Variants in PRR27 observed in about 807,000 individuals in gnomAD.
PRR27 encodes the protein proline rich 27, also known as proline-rich protein 27.
Under a neutral mutation model 16.8 loss-of-function variants are expected in PRR27, and 12 were observed. The ratio of observed to expected loss-of-function variants is 0.71; its 90% CI spans 0.46 to 1.16. PRR27 has a LOEUF of 1.16. PRR27 is among the 50% of genes most tolerant of loss of function. The probability of loss-of-function intolerance (pLI) is 0.00; values close to 1 mark genes in which losing one functional copy is unlikely to be tolerated. For missense variants in PRR27, 277 were observed against 273.3 expected (o/e 1.01, Z -0.10); for synonymous variants, 100 against 98.4 (o/e 1.02, Z -0.10).
At position 70,163,262 on chromosome 4, in the gene PRR27, T is replaced by A. The variant is rs1728685837; in HGVS notation, c.*601T>A. 6.6e-6 allele frequency: 1 copy of A among 151,716 alleles called. No individual in the cohort carries two copies. Among genetic ancestry groups the A allele is most frequent in the Non-Finnish European group, 1.5e-5 (1 of 67,958 alleles). 9.4% of individuals were successfully genotyped at this position (151,716 alleles called of 1,614,324 possible). On this transcript the variant is annotated 3_prime_UTR_variant, in exon 5 of 5. Coordinates refer to ENST00000344526, the MANE Select transcript of PRR27 (RefSeq NM_214711.4). ...AATACTTCTAACCTTCTCCACTGCA[T>A]CTAGCCAACTCTAGCTATTGTCATC...
chr4:70,155,298 A>C (rs1433171031), intron 1 of PRR27, among the ~76,000 whole-genome samples: 1 of 151,904 alleles, frequency 6.6e-6, no homozygotes, highest in Non-Finnish European at 1.5e-5. Context: ...TTGGAGAACA[A>C]ATGGATCTAT....
chr4:70,161,156 GTATATATATATATA>G (rs371303125), intron 3 of PRR27, among the ~76,000 whole-genome samples: 1 of 93,922 alleles, frequency 1.1e-5, no homozygotes, highest in Admixed American at 1.3e-4. Flanking sequence ...TATGAACACT[GTATATATATATATA>G]TATATATATA....
At chr4:70,155,214 A>G (rs910764347) in intron 1 of PRR27, among the ~76,000 whole-genome samples, 3 of 152,072 alleles carry the variant, frequency 2.0e-5, no homozygotes, top group African/African-American at 7.2e-5. Context: ...ATAAGTGATG[A>G]TTTTCCTGTA....
In PRR27 at chr4:70,164,025, A is replaced by G. The variant is rs1472078823; in HGVS notation, c.*1364A>G. 1 of 151,862 alleles carries G rather than the reference A, an allele frequency of 6.6e-6. No individual in the cohort carries two copies. Among genetic ancestry groups the G allele is most frequent in the Non-Finnish European group, 1.5e-5 (1 of 67,982 alleles). The allele number at this position is 151,862 out of a possible 1,614,324, so 9.4% of individuals were successfully genotyped here. A position where few individuals can be genotyped will look rare whatever the true frequency, so the allele number is the denominator to read the frequency against. ...TGCTTCAGAATACTCTTCCCTGAGC[A>G]CTCTATCTAAATAAATCCCTCTTCT... On this transcript the variant is annotated 3_prime_UTR_variant, in exon 5 of 5. Coordinates refer to ENST00000344526, the MANE Select transcript of PRR27 (RefSeq NM_214711.4).
rs138882671 is a variant in PRR27 at position 70,160,957 on chromosome 4, T to A, written c.649-629T>A. Among the ~76,000 whole-genome samples the A allele has an allele frequency of 2.0e-5, 3 of 151,904 alleles. No individual in the cohort carries two copies. In the South Asian group the frequency reaches 6.2e-4, roughly 31 times the overall value. On this transcript the variant is annotated intron_variant, in intron 3 of 4. Transcript: ENST00000344526. ...ACCACTTGGAAAGCTCTAGTAGTTG[T>A]TACCTAGAAGGAGATAAGAACTCTT...
chr4:70,165,327 T>C lies in PRR27; in HGVS notation c.*2666T>C, dbSNP rs2109797156. On this transcript the variant is annotated 3_prime_UTR_variant, in exon 5 of 5. Transcript: ENST00000344526. ...TCTATGACACATTCAAAATACTACATACAAGTTTGTATTATCATAAATAAT... is the reference window on the plus strand; with the variant it reads ...TCTATGACACATTCAAAATACTACACACAAGTTTGTATTATCATAAATAAT... 6.6e-6 allele frequency: 1 copy of C among 152,182 alleles called. No homozygotes were observed. The highest frequency in any genetic ancestry group is 1.5e-5 in the Non-Finnish European group (1 of 67,946). 9.4% of individuals were successfully genotyped at this position (152,182 alleles called of 1,614,324 possible). A position where few individuals can be genotyped will look rare whatever the true frequency, so the allele number is the denominator to read the frequency against.
chr4:70,157,811 T>C (rs1335112378), intron 2 of PRR27, among the ~76,000 whole-genome samples: 1 of 152,062 alleles, frequency 6.6e-6, no homozygotes, highest in Non-Finnish European at 1.5e-5. Flanking sequence ...AAATTTGAGA[T>C]GCACAGTGTT....
intron 1 of PRR27, 199 bp downstream of exon 1, chr4:70,154,625 T>C: frequency 2.3e-6 from 2 of 859,782 alleles, no homozygotes; most frequent in Non-Finnish European, 3.6e-6. Flanking sequence ...TATCTGAAAA[T>C]AGATAAACAG....
rs1322777618 is a variant in PRR27 at position 70,163,481 on chromosome 4, T to C, written c.*820T>C. 1 of 152,238 alleles carries C rather than the reference T, an allele frequency of 6.6e-6. No individual in the cohort carries two copies. Among genetic ancestry groups the C allele is most frequent in the East Asian group, 1.9e-4 (1 of 5,184 alleles). The allele number at this position is 152,238 out of a possible 1,614,324, so 9.4% of individuals were successfully genotyped here. Reference sequence around the variant, plus strand: ...GGTGTGTGCCACCACGCCTGGCTAATTTTTTGTAATTTAGTACAGACAGGG... The same window carrying C: ...GGTGTGTGCCACCACGCCTGGCTAACTTTTTGTAATTTAGTACAGACAGGG... On this transcript the variant is annotated 3_prime_UTR_variant, in exon 5 of 5. Transcript: ENST00000344526.
At position 70,165,122 on chromosome 4, in the gene PRR27, G is replaced by C. The variant is rs1277596517; in HGVS notation, c.*2461G>C. 1 of 151,950 alleles carries C rather than the reference G, an allele frequency of 6.6e-6. No homozygotes were observed. The highest frequency in any genetic ancestry group is 1.5e-5 in the Non-Finnish European group (1 of 67,914). 9.4% of individuals were successfully genotyped at this position (151,950 alleles called of 1,614,324 possible). A position where few individuals can be genotyped will look rare whatever the true frequency, so the allele number is the denominator to read the frequency against. On this transcript the variant is annotated 3_prime_UTR_variant, in exon 5 of 5. Transcript: ENST00000344526. Reference sequence around the variant, plus strand: ...AGGTAAACACTAACATTTGAATTGAGGTAATTTCCACTGTGGAAAACAAAC... The same window carrying C: ...AGGTAAACACTAACATTTGAATTGACGTAATTTCCACTGTGGAAAACAAAC...
At position 70,156,084 on chromosome 4, in the gene PRR27, C is replaced by CTT; in HGVS notation, c.75+14_75+15dup. 1.4e-6 allele frequency: 2 copies of CTT among 1,394,092 alleles called. No homozygotes were observed. Among genetic ancestry groups the CTT allele is most frequent in the South Asian group, 1.4e-5 (1 of 69,568 alleles). The allele number at this position is 1,394,092 out of a possible 1,614,324, so 86.4% of individuals were successfully genotyped here. On this transcript the variant is annotated splice_region_variant and intron_variant, in intron 2 of 4. Transcript: ENST00000344526. ...GTTCCCCTTCATTGGTGAGGTAAAA[C>CTT]TTTTTTTTCTTTACACGCAAGTATA...
chr4:70,159,713 G>A (rs569168279), intron 3 of PRR27, among the ~76,000 whole-genome samples: 26 of 152,206 alleles, frequency 1.7e-4, no homozygotes, highest in African/African-American at 6.0e-4. Flanking sequence ...ACATGTTCAT[G>A]AGCTTTATTC....
Position 70,163,918 on chromosome 4 carries a change from T to G in PRR27, c.*1257T>G, listed in dbSNP as rs921477277. 6.6e-6 allele frequency: 1 copy of G among 151,658 alleles called. No individual in the cohort carries two copies. The highest frequency in any genetic ancestry group is 1.5e-5 in the Non-Finnish European group (1 of 67,956). The allele number at this position is 151,658 out of a possible 1,614,324, so 9.4% of individuals were successfully genotyped here. A position where few individuals can be genotyped will look rare whatever the true frequency, so the allele number is the denominator to read the frequency against. ...TTTTTTCCTTTTTCAAATATGTTGGTTTTGATCTTATCCAAGAACCTTTGC... is the reference window on the plus strand; with the variant it reads ...TTTTTTCCTTTTTCAAATATGTTGGGTTTGATCTTATCCAAGAACCTTTGC... On this transcript the variant is annotated 3_prime_UTR_variant, in exon 5 of 5. Transcript: ENST00000344526.
intron 1 of PRR27, among the ~76,000 whole-genome samples, chr4:70,155,457 C>T (rs536708693): frequency 8.3e-4 from 126 of 151,890 alleles, no homozygotes; most frequent in African/African-American, 3.0e-3. Flanking sequence ...CTCCGCCTCT[C>T]GGGTTCACGC....
Position 70,164,439 on chromosome 4 carries a change from T to C in PRR27, c.*1778T>C, listed in dbSNP as rs946233799. On this transcript the variant is annotated 3_prime_UTR_variant, in exon 5 of 5. Transcript: ENST00000344526. The stretch of plus-strand genomic sequence containing the variant: ...ACTGTTATGTATAGCCATGAGGACA[T>C]GGTCTCAAAAAATGAGAAACTTTCT... 1 of 152,168 alleles carries C rather than the reference T, an allele frequency of 6.6e-6. No homozygotes were observed. Among genetic ancestry groups the C allele is most frequent in the Non-Finnish European group, 1.5e-5 (1 of 68,020 alleles). The allele number at this position is 152,168 out of a possible 1,614,324, so 9.4% of individuals were successfully genotyped here.
rs577881430 is a variant in PRR27 at position 70,156,057 on chromosome 4, C to T, written c.55C>T (p.Arg19Trp). ...IVCVAFARKRRFPFIGEDDND... is the reference protein window; with the variant it reads ...IVCVAFARKRWFPFIGEDDND... ...AATATATTTTTCTTTATTTTAGAGA[C>T]GGTTCCCCTTCATTGGTGAGGTAAA... The change falls in exon 2 of 5, where the codon CGG becomes TGG. Residue 19 changes from arginine to tryptophan, a missense_variant. Transcript: ENST00000344526. 1.1e-5 allele frequency: 16 copies of T among 1,433,022 alleles called. No homozygotes were observed. The highest frequency in any genetic ancestry group is 5.5e-5 in the South Asian group (4 of 72,100). The allele number at this position is 1,433,022 out of a possible 1,614,324, so 88.8% of individuals were successfully genotyped here.
Position 70,158,500 on chromosome 4 carries a change from G to C in PRR27, c.248G>C (p.Gly83Ala). ...PSYPWILTSP[G>A]FPYVYHIRGF... ...TATCCCTGGATTCTAACTTCTCCTG[G>C]ATTCCCCTATGTCTATCACATCCGT... is the stretch of plus-strand genomic sequence containing the variant. Residue 83 changes from glycine (G) to alanine (A), a missense_variant, in exon 3 of 5, where the codon GGA becomes GCA. By Grantham distance (60) the Gly-to-Ala change is moderately conservative (BLOSUM62 0). Coordinates refer to ENST00000344526, the MANE Select transcript of PRR27 (RefSeq NM_214711.4). The C allele has an allele frequency of 6.2e-7, 1 of 1,614,096 alleles. No individual in the cohort carries two copies. The highest frequency in any genetic ancestry group is 8.5e-7 in the Non-Finnish European group (1 of 1,180,016).
At position 70,162,790 on chromosome 4, in the gene PRR27, T is replaced by C. The variant is rs1384222359; in HGVS notation, c.*129T>C. ...TATTCAGAGTATTCATCTCACTACA[T>C]TGATTTGTTTGTGGTAGTTTTTCCT... On this transcript the variant is annotated 3_prime_UTR_variant, in exon 5 of 5. Transcript: ENST00000344526. 6.6e-6 allele frequency: 1 copy of C among 152,136 alleles called. No homozygotes were observed. The highest frequency in any genetic ancestry group is 2.4e-5 in the African/African-American group (1 of 41,422). 9.4% of individuals were successfully genotyped at this position (152,136 alleles called of 1,614,324 possible). A position where few individuals can be genotyped will look rare whatever the true frequency, so the allele number is the denominator to read the frequency against.
At chr4:70,156,872 AT>A (rs67755220) in intron 2 of PRR27, among the ~76,000 whole-genome samples, 76,208 of 151,722 alleles carry the variant, frequency 0.5, 19,601 homozygotes, top group Non-Finnish European at 0.57. Context: ...ATTATTTTGA[AT>A]TTTTTTTTGC....
Sources: gnomAD v4.1 joint callset for allele counts (sites outside exome capture counted in the v4.1 genomes callset) on GRCh38, gnomAD v4.1.1 for gene constraint, MANE v1.5 for transcripts, NCBI Gene and HGNC (gene_info 2026-07-23, HGNC 2026-07-21) for gene names.